The following NEK4 variants were observed in gnomAD, a reference collection of about 807,000 sequenced individuals.
NEK4 encodes NIMA related kinase 4.
NEK4 carries 86 observed loss-of-function variants against 98.4 expected under a neutral mutation model. The ratio of observed to expected loss-of-function variants is 0.87; its 90% confidence interval spans 0.73 to 1.05. The LOEUF (loss-of-function observed/expected upper bound fraction) is 1.05, where lower values mean the gene tolerates loss of function less well. Among genes scored for constraint, NEK4 ranks in the 50% least tolerant of loss-of-function variants. NEK4 has a pLI of 0.00. For synonymous variants in NEK4, 328 were observed against 342.2 expected, an observed-to-expected ratio of 0.96 and a Z score of 0.46; for missense variants, 898 against 950.3, an observed-to-expected ratio of 0.94 and a Z score of 0.72.
rs753691637 is a variant in NEK4, at chr3:52,768,359, T to C, written c.339A>G (p.Val113=). The change falls in exon 2 of 16, where the codon GTA becomes GTG. Residue 113 remains valine, a synonymous_variant. Transcript: ENST00000233027. ...GTACCTGCAAAGCCATGGCGATCTG[T>C]ACAAACCACTCTACCACCTGATTCT... ...LPENQVVEWF[V]QIAMALQYLH... is the part of the protein sequence containing the mutation. 6.8e-6 allele frequency: 11 copies of C among 1,614,202 alleles called. No homozygotes were observed. The highest frequency in any genetic ancestry group is 6.6e-5 in the South Asian group (6 of 91,082).
intron 6 of NEK4, among the ~76,000 whole-genome samples, chr3:52,760,090 T>C (rs949675238): frequency 1.3e-5 from 2 of 152,242 alleles, no homozygotes; most frequent in Admixed American, 1.3e-4. Context: ...GACTGCTTAA[T>C]GAGGAAGAGA....
intron 6 of NEK4, among the ~76,000 whole-genome samples, chr3:52,759,482 G>C (rs1698269199): frequency 6.6e-6 from 1 of 152,078 alleles, no homozygotes; most frequent in Non-Finnish European, 1.5e-5. Flanking sequence ...AAAAGATGCT[G>C]TATGTCATTA....
In NEK4 at chr3:52,746,183, G is replaced by A; in HGVS notation, c.1705C>T (p.Pro569Ser). 6.2e-7 allele frequency: 1 copy of A among 1,613,608 alleles called. No individual in the cohort carries two copies. Among genetic ancestry groups the A allele is most frequent in the Non-Finnish European group, 8.5e-7 (1 of 1,179,890 alleles). Residue 569 changes from proline (P) to serine (S), a missense_variant, in exon 10 of 16, where the codon CCT (proline) becomes TCT (serine). Pro to Ser is a moderately conservative substitution (Grantham distance 74, BLOSUM62 -1). Transcript: ENST00000233027. The part of the protein sequence containing the change: ...AFQESPPRFL[P>S]SHPIVGKVDV... ...ACTTTCCCAACAATGGGATGAGAAG[G>A]CAAAAATCGAGGAGGCGACTCTTGG...
intron 15 of NEK4, among the ~76,000 whole-genome samples, chr3:52,719,624 T>C (rs776950749): frequency 6.7e-6 from 1 of 148,980 alleles, no homozygotes. Context: ...AAAGTAGCCA[T>C]TATAAATATG....
intron 15 of NEK4, among the ~76,000 whole-genome samples, chr3:52,712,892 C>T (rs1344594127): frequency 1.3e-5 from 2 of 152,068 alleles, no homozygotes; most frequent in African/African-American, 2.4e-5. Context: ...TGTGTTCCTG[C>T]GAGGGTCTCC....
chr3:52,768,386 A>G lies in NEK4; in HGVS notation c.312T>C (p.Pro104=), dbSNP rs2230534. The change falls in exon 2 of 16, where the codon CCT becomes CCC. Residue 104 remains proline (P), a synonymous_variant. Coordinates refer to ENST00000233027, the MANE Select transcript of NEK4 (RefSeq NM_003157.6). ...CAAACCACTCTACCACCTGATTCTCAGGCAGAAGCTGCCCTTTCTGCTCCT... is the reference window on the plus strand; with the variant it reads ...CAAACCACTCTACCACCTGATTCTCGGGCAGAAGCTGCCCTTTCTGCTCCT... ...KLKEQKGQLL[P]ENQVVEWFVQ... The G allele has an allele frequency of 6.2e-7, 1 of 1,613,976 alleles. No homozygotes were observed. The highest frequency in any genetic ancestry group is 1.7e-5 in the Admixed American group (1 of 60,006).
intron 15 of NEK4, among the ~76,000 whole-genome samples, chr3:52,720,365 A>G (rs1003062926): frequency 6.6e-6 from 1 of 152,170 alleles, no homozygotes; most frequent in African/African-American, 2.4e-5. Flanking sequence ...ATTTTAAGAA[A>G]TAATGCCTGA....
At chr3:52,751,094 T>C (rs928404095) in intron 7 of NEK4, among the ~76,000 whole-genome samples, 2 of 151,782 alleles carry the variant, frequency 1.3e-5, no homozygotes, top group Non-Finnish European at 2.9e-5. Flanking sequence ...GCTGATCACC[T>C]GAGGTCGGGA....
chr3:52,770,761 C>T lies in NEK4; in HGVS notation c.-15G>A. ...GCCAGGGGCATGTTCCCAGCGCTGG[C>T]CCAGAGTCGGGATGCGGCGGCAGCG... is the stretch of plus-strand genomic sequence containing the variant. On this transcript the variant is annotated 5_prime_UTR_variant, in exon 1 of 16. Transcript: ENST00000233027. 1.3e-6 allele frequency: 2 copies of T among 1,553,656 alleles called. No individual in the cohort carries two copies. Among genetic ancestry groups the T allele is most frequent in the Non-Finnish European group, 1.7e-6 (2 of 1,149,796 alleles).
chr3:52,748,362 A>T (rs1276863200), intron 8 of NEK4, among the ~76,000 whole-genome samples: 1 of 152,174 alleles, frequency 6.6e-6, no homozygotes, highest in Non-Finnish European at 1.5e-5. Flanking sequence ...AAATGCCGAC[A>T]TCAGTTATCC....
chr3:52,718,074 G>C (rs937006158), intron 15 of NEK4, among the ~76,000 whole-genome samples: 1 of 152,056 alleles, frequency 6.6e-6, no homozygotes, highest in African/African-American at 2.4e-5. Flanking sequence ...GATCACAGGC[G>C]TGAGCTACTG....
intron 15 of NEK4, 31 bp from the exon 16 acceptor site, chr3:52,711,900 G>C: frequency 8.0e-7 from 1 of 1,249,550 alleles, no homozygotes; most frequent in Non-Finnish European, 1.2e-6. Context: ...AAATCAATCA[G>C]TATGTAGTAG....
rs1301296416 is a variant in NEK4 at position 52,752,248 on chromosome 3, T to G, written c.1052A>C (p.Gln351Pro). Residue 351 changes from glutamine to proline, a missense_variant, in exon 7 of 16, where the codon CAG (glutamine) becomes CCG (proline). Coordinates refer to ENST00000233027, the MANE Select transcript of NEK4 (RefSeq NM_003157.6). ...TAGTTCTGTGGTATTGCTCAAGTCCTGTTTGCAGGTATGGGCTTTCAGACT... is the reference window on the plus strand; with the variant it reads ...TAGTTCTGTGGTATTGCTCAAGTCCGGTTTGCAGGTATGGGCTTTCAGACT... ...PASLKAHTCK[Q>P]DLSNTTELAT... 2 of 1,614,104 alleles carry G rather than the reference T, an allele frequency of 1.2e-6. No individual in the cohort carries two copies. The highest frequency in any genetic ancestry group is 2.2e-5 in the East Asian group (1 of 44,904).
At chr3:52,719,851 G>A (rs147323444) in intron 15 of NEK4, among the ~76,000 whole-genome samples, 17 of 152,240 alleles carry the variant, frequency 1.1e-4, no homozygotes, top group African/African-American at 3.9e-4. Flanking sequence ...CAAGCTTGGG[G>A]ACAGACCAAC....
intron 1 of NEK4, 35 bp downstream of exon 1, chr3:52,770,619 G>GGCCCC: frequency 1.0e-6 from 1 of 954,762 alleles, no homozygotes. Context: ...ACTTCTGCCC[G>GGCCCC]CCCCCGCCCC....
Position 52,746,805 on chromosome 3 carries a change from G to A in NEK4, c.1606C>T (p.Arg536Ter), listed in dbSNP as rs780482907. The A allele has an allele frequency of 8.7e-6, 14 of 1,613,932 alleles. No homozygotes were observed. Among genetic ancestry groups the A allele is most frequent in the East Asian group, 2.2e-5 (1 of 44,880 alleles). ...SGSEPSLSRQ[R>*]RQKRREQTEH... is the part of the protein sequence containing the mutation. ...GTCTGTTCTCTCCTCTTTTGCCGTC[G>A]CTGTCGAGACAGGGAAGGTTCAGAC... Residue 536 changes from arginine to a stop codon, truncating the protein, a stop_gained, in exon 9 of 16, where the codon CGA (arginine) becomes TGA (stop). Transcript: ENST00000233027. LOFTEE classifies it high-confidence loss of function.
intron 1 of NEK4, among the ~76,000 whole-genome samples, chr3:52,769,216 T>C (rs551467798): frequency 1.3e-5 from 2 of 152,096 alleles, no homozygotes; most frequent in African/African-American, 4.8e-5. Context: ...AGCAAGACTC[T>C]GTCTCAAAAA....
intron 7 of NEK4, among the ~76,000 whole-genome samples, chr3:52,751,048 T>C (rs1332501933): frequency 6.6e-6 from 1 of 152,180 alleles, no homozygotes; most frequent in Middle Eastern, 3.2e-3. Flanking sequence ...CAGTGGCTTA[T>C]GTCTGTAATC....
rs754287482 is a variant in NEK4 at position 52,770,659 on chromosome 3, T to G, written c.88A>C (p.Lys30Gln). The stretch of plus-strand genomic sequence containing the variant: ...CGGGCCCCACCCCTGCAGACCTGCT[T>G]GCCGTCCCGCCGGTGCTTCACAAGC... ...VTLVKHRRDG[K>Q]QYVIKKLNLR... Residue 30 changes from lysine to glutamine, a missense_variant, in exon 1 of 16, where the codon AAG becomes CAG. Lys to Gln is a moderately conservative substitution (Grantham distance 53). Transcript: ENST00000233027. The G allele has an allele frequency of 1.9e-6, 3 of 1,555,370 alleles. No individual in the cohort carries two copies. Among genetic ancestry groups the G allele is most frequent in the South Asian group, 1.2e-5 (1 of 84,436 alleles).
Sources: gnomAD v4.1 joint callset for allele counts (sites outside exome capture counted in the v4.1 genomes callset) on GRCh38, gnomAD v4.1.1 for gene constraint, MANE v1.5 for transcripts, NCBI Gene and HGNC (gene_info 2026-07-23, HGNC 2026-07-21) for gene names.